MAN2A2: variants seen among roughly 807,000 people sequenced by gnomAD.
MAN2A2 encodes the protein mannosidase alpha class 2A member 2, also known as alpha-mannosidase 2x.
In MAN2A2, 79 loss-of-function variants were observed where a neutral mutation model predicts 126.8. The observed-to-expected ratio is 0.62, with a 90% CI of 0.52 to 0.75. The LOEUF (loss-of-function observed/expected upper bound fraction) is 0.75, where lower values mean the gene tolerates loss of function less well. Among genes scored for constraint, MAN2A2 ranks in the 30% least tolerant of loss-of-function variants. The pLI, the probability that MAN2A2 is intolerant of heterozygous loss-of-function variation, is 0.00. For missense variants in MAN2A2, 1,392 were observed against 1,522.4 expected (o/e 0.91, Z 1.43); for synonymous variants, 671 against 618.7 (o/e 1.08, Z -1.25).
chr15:90,905,852 C>G lies in MAN2A2; in HGVS notation c.543C>G (p.Ile181Met). 6.3e-7 allele frequency: 1 copy of G among 1,574,942 alleles called. No individual in the cohort carries two copies. The highest frequency in any genetic ancestry group is 8.6e-7 in the Non-Finnish European group (1 of 1,159,954). ...CCTACATTGGCTCCCTAGGCTGGAT[C>G]AAGACCTTTGACAAGTACTACACAG... is the stretch of plus-strand genomic sequence containing the variant. The part of the protein sequence containing the change: ...VPHSHNDPGW[I>M]KTFDKYYTEQ... Residue 181 changes from isoleucine to methionine, a missense_variant, in exon 5 of 23, where the codon ATC becomes ATG. Transcript: ENST00000559717.
intron 2 of MAN2A2, among the ~76,000 whole-genome samples, chr15:90,904,831 G>A (rs531276291): frequency 6.6e-6 from 1 of 152,326 alleles, no homozygotes; most frequent in East Asian, 1.9e-4. Flanking sequence ...CTGACCTCAG[G>A]TGATCCACCC....
intron 15 of MAN2A2, 23 bp downstream of exon 15, chr15:90,912,302 A>T: frequency 3.1e-6 from 5 of 1,612,450 alleles, no homozygotes; most frequent in Non-Finnish European, 4.2e-6. Context: ...GGTGGTGGGG[A>T]AGGGCCAGGG....
At chr15:90,909,251 T>G (rs897068490) in intron 8 of MAN2A2, 76 bp from the exon 9 acceptor site, 9 of 1,444,866 alleles carry the variant, frequency 6.2e-6, no homozygotes, top group Non-Finnish European at 6.6e-6. Context: ...AGGGGCTTGC[T>G]GGCGGGATGG....
intron 6 of MAN2A2, 53 bp downstream of exon 6, chr15:90,906,550 C>T (rs568139641): frequency 4.0e-5 from 64 of 1,612,818 alleles, no homozygotes; most frequent in Middle Eastern, 1.7e-4. Context: ...AAGGCACAGG[C>T]AGGGGCTGTA....
At position 90,909,408 on chromosome 15, in the gene MAN2A2, C is replaced by T. The variant is rs771352024; in HGVS notation, c.1278C>T (p.Asp426=). ...SNVLLVPLGD[D]FRYDKPQEWD... is the part of the protein sequence containing the mutation. ...TCCTCCTGGTGCCTCTTGGAGATGA[C>T]TTCCGATATGACAAGCCCCAGGAGT... The change falls in exon 9 of 23, where the codon GAC becomes GAT. Residue 426 remains aspartate, a synonymous_variant. Transcript: ENST00000559717. The T allele has an allele frequency of 1.8e-5, 29 of 1,614,048 alleles. No individual in the cohort carries two copies. The Middle Eastern group carries it at 8.2e-4, about 46-fold the overall frequency.
At chr15:90,909,949 T>A in intron 9 of MAN2A2, 141 bp from the exon 10 acceptor site, 1 of 724,966 alleles carries the variant, frequency 1.4e-6, no homozygotes, top group South Asian at 2.2e-5. Context: ...CTCCCCTACT[T>A]CTGTTAAGTC....
chr15:90,906,842 G>A lies in MAN2A2; in HGVS notation c.938G>A (p.Arg313Lys), dbSNP rs2034336697. 6.2e-7 allele frequency: 1 copy of A among 1,614,000 alleles called. No homozygotes were observed. The highest frequency in any genetic ancestry group is 8.5e-7 in the Non-Finnish European group (1 of 1,180,020). Residue 313 changes from arginine to lysine, a missense_variant, in exon 7 of 23, where the codon AGA becomes AAA. Physicochemically the swap from Arg to Lys is conservative, Grantham distance 26. Transcript: ENST00000559717. The stretch of plus-strand genomic sequence containing the variant: ...AACCTCACCAGCATGCTGATTCAGA[G>A]AGTGCACTATGCCATCAAGAAGCAC... Reference protein sequence around the residue: ...RANLTSMLIQRVHYAIKKHFA... With the variant: ...RANLTSMLIQKVHYAIKKHFA...
Position 90,909,423 on chromosome 15 carries a change from G to C in MAN2A2, c.1293G>C (p.Lys431Asn). Residue 431 changes from lysine (K) to asparagine (N), a missense_variant, in exon 9 of 23, where the codon AAG becomes AAC. Lys to Asn is a moderately conservative substitution (Grantham distance 94). Coordinates refer to ENST00000559717, the MANE Select transcript of MAN2A2 (RefSeq NM_006122.4). ...TTGGAGATGACTTCCGATATGACAA[G>C]CCCCAGGAGTGGGATGCCCAGTTCT... is the stretch of plus-strand genomic sequence containing the variant. Reference protein sequence around the residue: ...VPLGDDFRYDKPQEWDAQFFN... With the variant: ...VPLGDDFRYDNPQEWDAQFFN... The C allele has an allele frequency of 6.2e-7, 1 of 1,614,094 alleles. No individual in the cohort carries two copies. The highest frequency in any genetic ancestry group is 1.6e-4 in the Middle Eastern group (1 of 6,062).
At position 90,906,745 on chromosome 15, in the gene MAN2A2, AC is replaced by A; in HGVS notation, c.847del (p.Arg283AlafsTer28). On this transcript the variant is annotated frameshift_variant, in exon 7 of 23. Transcript: ENST00000559717. LOFTEE classifies it high-confidence loss of function. ...HQWLERNLGA[T>X]PRSGWAVDPF... ...GGCTTCCATGCCCTGCCCAGGTGCA[AC>A]CCCCCGCTCTGGCTGGGCAGTGGAC... is the stretch of plus-strand genomic sequence containing the variant. The A allele has an allele frequency of 2.5e-6, 4 of 1,611,278 alleles. No individual in the cohort carries two copies. The highest frequency in any genetic ancestry group is 3.4e-6 in the Non-Finnish European group (4 of 1,179,794).
At chr15:90,906,239 T>A in intron 5 of MAN2A2, 131 bp from the exon 6 acceptor site, 1 of 1,326,946 alleles carries the variant, frequency 7.5e-7, no homozygotes, top group South Asian at 1.3e-5. Context: ...AGGGCAAGTG[T>A]GTGTTCTCTT....
Position 90,905,653 on chromosome 15 carries a change from C to T in MAN2A2, c.465C>T (p.Ser155=), listed in dbSNP as rs139539053. ...TGTGGAGGCAAGGCTTCGACATCTCCTACGACCCGCACGACTGGGATGCTG... is the reference window on the plus strand; with the variant it reads ...TGTGGAGGCAAGGCTTCGACATCTCTTACGACCCGCACGACTGGGATGCTG... ...GGVWRQGFDI[S]YDPHDWDAED... is the part of the protein sequence containing the mutation. Residue 155 remains serine, a synonymous_variant, in exon 4 of 23, where the codon TCC becomes TCT. Coordinates refer to ENST00000559717, the MANE Select transcript of MAN2A2 (RefSeq NM_006122.4). 2.9e-4 allele frequency: 474 copies of T among 1,614,044 alleles called. No homozygotes were observed. The highest frequency in any genetic ancestry group is 3.9e-4 in the Non-Finnish European group (455 of 1,180,024).
intron 14 of MAN2A2, chr15:90,911,841 T>C (rs182911131): frequency 1.6e-6 from 1 of 630,070 alleles, no homozygotes; most frequent in Admixed American, 2.8e-5. Context: ...TTGTTACCGC[T>C]TCATACTTTT....
At chr15:90,904,091 C>T in intron 1 of MAN2A2, 99 bp from the exon 2 acceptor site, 2 of 1,370,920 alleles carry the variant, frequency 1.5e-6, no homozygotes, top group Non-Finnish European at 1.0e-6. Flanking sequence ...AATGGGTGTT[C>T]CTTTGGAACA....
intron 11 of MAN2A2, 39 bp downstream of exon 11, chr15:90,910,722 C>A: frequency 6.2e-7 from 1 of 1,610,280 alleles, no homozygotes; most frequent in South Asian, 1.1e-5. Context: ...CTCCCCTGCT[C>A]ACTGTCCCAA....
chr15:90,908,827 C>T (rs1251646765), intron 8 of MAN2A2, among the ~76,000 whole-genome samples: 11 of 152,132 alleles, frequency 7.2e-5, no homozygotes, highest in East Asian at 3.8e-4. Flanking sequence ...CTGCCTGCCC[C>T]GGTCTCCCAA....
intron 18 of MAN2A2, 48 bp from the exon 19 acceptor site, chr15:90,913,566 C>A: frequency 6.3e-7 from 1 of 1,584,802 alleles, no homozygotes; most frequent in Non-Finnish European, 8.6e-7. Flanking sequence ...ACCGCTTGGG[C>A]CCACATGGTG....
intron 8 of MAN2A2, among the ~76,000 whole-genome samples, chr15:90,908,026 C>T (rs937696203): frequency 5.3e-5 from 8 of 152,182 alleles, no homozygotes; most frequent in African/African-American, 1.7e-4. Context: ...CTTAAGAATA[C>T]GACAAGTTGG....
In MAN2A2 at chr15:90,910,291, C is replaced by T. The variant is rs1305674539; in HGVS notation, c.1576C>T (p.Arg526Trp). The change falls in exon 10 of 23, where the codon CGG (arginine) becomes TGG (tryptophan). Residue 526 changes from arginine to tryptophan, a missense_variant and splice_region_variant. Coordinates refer to ENST00000559717, the MANE Select transcript of MAN2A2 (RefSeq NM_006122.4). ...SLDRVLEAHL[R>W]GAEVLYSLAA... is the part of the protein sequence containing the mutation. ...AGACCGAGTCCTGGAAGCCCACCTGCGGTGAGACCCTGTCCCCGCTTCCAG... is the reference window on the plus strand; with the variant it reads ...AGACCGAGTCCTGGAAGCCCACCTGTGGTGAGACCCTGTCCCCGCTTCCAG... The T allele has an allele frequency of 6.2e-6, 10 of 1,613,888 alleles. No individual in the cohort carries two copies. The highest frequency in any genetic ancestry group is 5.5e-5 in the South Asian group (5 of 91,074).
chr15:90,906,544 C>T (rs550047197), intron 6 of MAN2A2, 47 bp downstream of exon 6: 1 of 1,613,468 alleles, frequency 6.2e-7, no homozygotes, highest in South Asian at 1.1e-5. Context: ...GGCTGTAAGG[C>T]ACAGGCAGGG....
Sources: gnomAD v4.1 joint callset for allele counts (sites outside exome capture counted in the v4.1 genomes callset) on GRCh38, gnomAD v4.1.1 for gene constraint, MANE v1.5 for transcripts, NCBI Gene and HGNC (gene_info 2026-07-23, HGNC 2026-07-21) for gene names.